The following SMARCC1 variants were observed in gnomAD, a reference collection of about 807,000 sequenced individuals.
SMARCC1 encodes SWI/SNF related BAF chromatin remodeling complex subunit C1.
In SMARCC1, 43 loss-of-function variants were observed where a neutral mutation model predicts 147.4. The observed-to-expected ratio is 0.29, with a 90% CI of 0.23 to 0.38. SMARCC1 has a LOEUF of 0.38. SMARCC1 is among the 10% of genes least tolerant of loss of function. The pLI is 1.00. For synonymous variants in SMARCC1, 495 were observed against 484.4 expected (o/e 1.02, Z -0.29); for missense variants, 1,119 against 1,381.1 (o/e 0.81, Z 3.01).
At chr3:47,758,998 CAA>C (rs200596414) in intron 2 of SMARCC1, among the ~76,000 whole-genome samples, 1,560 of 142,428 alleles carry the variant, frequency 0.011, 13 homozygotes, top group East Asian at 0.021. Flanking sequence ...GCCGGGGCAA[CAA>C]GAGCGAAACT....
rs117840446 is a variant in SMARCC1 at position 47,727,519 on chromosome 3, T to A, written c.646+1506A>T. Among the ~76,000 whole-genome samples, 163 of 152,098 alleles carry A rather than the reference T, an allele frequency of 1.1e-3. 4 individuals carry two copies. The East Asian group carries it at 0.03, about 28-fold the overall frequency. On this transcript the variant is annotated intron_variant, in intron 6 of 27. Coordinates refer to ENST00000254480, the MANE Select transcript of SMARCC1 (RefSeq NM_003074.4). ...AAAGACTACATCTCAAAAAAAAAAT[T>A]GTACTGTGTGTACATACCACAATTT...
chr3:47,754,223 A>G (rs141445122), intron 2 of SMARCC1, among the ~76,000 whole-genome samples: 6,690 of 137,832 alleles, frequency 0.049, 507 homozygotes, highest in African/African-American at 0.16. Context: ...TTTTTTTTTG[A>G]GACTGAGTCT....
At chr3:47,775,315 C>T (rs1399791084) in intron 1 of SMARCC1, among the ~76,000 whole-genome samples, 1 of 151,250 alleles carries the variant, frequency 6.6e-6, no homozygotes, top group East Asian at 2.0e-4. Flanking sequence ...CGCCCACCAC[C>T]ACGCCTGGCT....
chr3:47,774,236 CTTTTTT>C (rs35831016), intron 1 of SMARCC1, among the ~76,000 whole-genome samples: 3 of 113,412 alleles, frequency 2.6e-5, no homozygotes, highest in Non-Finnish European at 3.6e-5. Context: ...CAATCATTTA[CTTTTTT>C]TTTTTTTTTT....
Position 47,586,396 on chromosome 3 carries a change from ATGCATTGGAACTAAGC to A in SMARCC1, c.*1797_*1812del, listed in dbSNP as rs1166780716. On this transcript the variant is annotated 3_prime_UTR_variant, in exon 28 of 28. Transcript: ENST00000254480. ...GGCACTGGGGTCTTTCTGGAGCCAA[ATGCATTGGAACTAAGC>A]TCCAGTAGGAATAAACTCATTCTCA... The A allele has an allele frequency of 6.6e-6, 1 of 152,300 alleles. No homozygotes were observed. Among genetic ancestry groups the A allele is most frequent in the Non-Finnish European group, 1.5e-5 (1 of 68,032 alleles). 9.4% of individuals were successfully genotyped at this position (152,300 alleles called of 1,614,324 possible). A position where few individuals can be genotyped will look rare whatever the true frequency, so the allele number is the denominator to read the frequency against.
intron 24 of SMARCC1, among the ~76,000 whole-genome samples, chr3:47,623,957 T>TGA (rs1298222879): frequency 6.6e-5 from 10 of 151,912 alleles, no homozygotes; most frequent in Non-Finnish European, 1.2e-4. Flanking sequence ...CCTTAAGTGT[T>TGA]ATTCAATAAA....
chr3:47,707,048 T>C (rs1194998214), intron 9 of SMARCC1, among the ~76,000 whole-genome samples: 1 of 152,192 alleles, frequency 6.6e-6, no homozygotes, highest in African/African-American at 2.4e-5. Context: ...CCATGGCTCA[T>C]GCCTGTAATC....
intron 9 of SMARCC1, among the ~76,000 whole-genome samples, chr3:47,709,663 G>A (rs529365642): frequency 6.6e-6 from 1 of 152,212 alleles, no homozygotes; most frequent in Admixed American, 6.5e-5. Flanking sequence ...TCCAGCCTGG[G>A]CAACAGAGTG....
chr3:47,666,008 A>G (rs1021434033), intron 19 of SMARCC1, among the ~76,000 whole-genome samples: 32 of 152,222 alleles, frequency 2.1e-4, no homozygotes, highest in African/African-American at 7.5e-4. Flanking sequence ...CTAGGGTGAA[A>G]TATGTTTTAC....
At chr3:47,592,767 T>C (rs890730597) in intron 26 of SMARCC1, among the ~76,000 whole-genome samples, 1 of 151,936 alleles carries the variant, frequency 6.6e-6, no homozygotes, top group Non-Finnish European at 1.5e-5. Context: ...CCTGGCTAAT[T>C]TTTAAATTTT....
chr3:47,680,163 T>G (rs899251669), intron 15 of SMARCC1: 2 of 286,528 alleles, frequency 7.0e-6, no homozygotes, highest in African/African-American at 4.6e-5. Context: ...CAGAGATTTC[T>G]GTGAGCCAAG....
chr3:47,766,521 T>A (rs2034842571), intron 2 of SMARCC1, among the ~76,000 whole-genome samples: 1 of 151,748 alleles, frequency 6.6e-6, no homozygotes, highest in South Asian at 2.1e-4. Context: ...ATGCAGTGAG[T>A]TGAGATCATG....
intron 25 of SMARCC1, among the ~76,000 whole-genome samples, chr3:47,616,438 A>G (rs2032646872): frequency 6.6e-6 from 1 of 152,108 alleles, no homozygotes; most frequent in Non-Finnish European, 1.5e-5. Context: ...CATGATACCC[A>G]TAACAAATTC....
At chr3:47,696,638 C>A (rs2033856080) in intron 11 of SMARCC1, among the ~76,000 whole-genome samples, 3 of 151,690 alleles carry the variant, frequency 2.0e-5, no homozygotes. Context: ...CCTGCCTCAG[C>A]CTCCTGAGTA....
chr3:47,663,212 GAGGAAGGAAGGAAGGAAGGAAGGA>G (rs762254925), intron 19 of SMARCC1, among the ~76,000 whole-genome samples: 11 of 25,008 alleles, frequency 4.4e-4, no homozygotes, highest in Admixed American at 2.2e-3. Flanking sequence ...GAGGGGAGGG[GAGGAAGGAAGGAAGGAAGGAAGGA>G]AGGAAGGAAG....
intron 2 of SMARCC1, among the ~76,000 whole-genome samples, chr3:47,753,707 C>A (rs1436077207): frequency 1.4e-5 from 1 of 69,592 alleles, no homozygotes; most frequent in African/African-American, 5.5e-5. Context: ...AGCAAAACTC[C>A]ATCTCAAAAA....
At position 47,622,262 on chromosome 3, in the gene SMARCC1, A is replaced by G; in HGVS notation, c.2726T>C (p.Ile909Thr). Residue 909 changes from isoleucine (I) to threonine (T), a missense_variant, in exon 25 of 28, where the codon ATC becomes ACC. By Grantham distance (89) the Ile-to-Thr change is moderately conservative. Transcript: ENST00000254480. ...LVETQMKKLE[I>T]KLRHFEELET... ...CAGCTCTTCAAAATGTCGAAGTTTG[A>G]TCTCTAGTTTCTTCATTTGTGTCTC... is the stretch of plus-strand genomic sequence containing the variant. 6.2e-7 allele frequency: 1 copy of G among 1,604,892 alleles called. No individual in the cohort carries two copies. Among genetic ancestry groups the G allele is most frequent in the African/African-American group, 1.3e-5 (1 of 74,290 alleles).
chr3:47,752,855 G>C (rs1425238911), intron 2 of SMARCC1, among the ~76,000 whole-genome samples: 1 of 152,118 alleles, frequency 6.6e-6, no homozygotes, highest in East Asian at 1.9e-4. Flanking sequence ...ACTCCAATTA[G>C]AGACTCTGGG....
chr3:47,750,093 A>G lies in SMARCC1; in HGVS notation c.316-4100T>C, dbSNP rs1413172628. On this transcript the variant is annotated intron_variant, in intron 2 of 27. Coordinates refer to ENST00000254480, the MANE Select transcript of SMARCC1 (RefSeq NM_003074.4). ...CAAGAGTCCATCTCAAAAAAAAAAA[A>G]AAGAAAATGCACGAGTCATTATAAT... Among the ~76,000 whole-genome samples, 3 of 22,874 alleles carry G rather than the reference A, an allele frequency of 1.3e-4. No individual in the cohort carries two copies. In the East Asian group the frequency reaches 7.7e-3, roughly 59 times the overall value. The allele number at this position is 22,874 out of a possible 152,430, so 15.0% of individuals were successfully genotyped here.
Sources: gnomAD v4.1 joint callset for allele counts (sites outside exome capture counted in the v4.1 genomes callset) on GRCh38, gnomAD v4.1.1 for gene constraint, MANE v1.5 for transcripts, NCBI Gene and HGNC (gene_info 2026-07-23, HGNC 2026-07-21) for gene names.